Variants in PCDH15 observed in about 807,000 individuals in gnomAD.
The protein encoded by PCDH15 is protocadherin related 15, also known as protocadherin-15.
A neutral mutation model predicts 178.5 loss-of-function variants in PCDH15; 129 were observed. The ratio of observed to expected loss-of-function variants is 0.72; its 90% confidence interval spans 0.63 to 0.84. The LOEUF (loss-of-function observed/expected upper bound fraction) is 0.84, where lower values mean the gene tolerates loss of function less well. PCDH15 is among the 40% of genes least tolerant of loss of function. The pLI is 0.00. For missense variants in PCDH15, 2,230 were observed against 2,099.9 expected (o/e 1.06, Z -1.21); for synonymous variants, 800 against 732.0 (o/e 1.09, Z -1.50).
chr10:54,851,106 T>A (rs898196253), intron 3 of PCDH15, among the ~76,000 whole-genome samples: 2 of 152,060 alleles, frequency 1.3e-5, no homozygotes, highest in Non-Finnish European at 2.9e-5. Context: ...GGAAGGCAAA[T>A]AAGGTATTTT....
chr10:54,837,104 G>A (rs1181781035), intron 3 of PCDH15, among the ~76,000 whole-genome samples: 1 of 151,870 alleles, frequency 6.6e-6, no homozygotes, highest in Admixed American at 6.6e-5. Flanking sequence ...GTATAAATAA[G>A]TTTTTATTAT....
intron 11 of PCDH15, among the ~76,000 whole-genome samples, chr10:54,191,751 CA>C (rs10564694): frequency 0.039 from 5,134 of 130,160 alleles, 98 homozygotes; most frequent in Non-Finnish European, 0.06. Context: ...ACAAAAAATG[CA>C]AAAAAAAAAA....
At chr10:54,876,580 T>G (rs546251841) in intron 3 of PCDH15, among the ~76,000 whole-genome samples, 2 of 152,242 alleles carry the variant, frequency 1.3e-5, no homozygotes, top group East Asian at 3.9e-4. Context: ...TAGGAAGAAC[T>G]TGATTCCAAC....
chr10:54,167,780 C>CACACCCCAACCTCTTATCTCT (rs2046388412), intron 13 of PCDH15, among the ~76,000 whole-genome samples: 1 of 151,884 alleles, frequency 6.6e-6, no homozygotes, highest in African/African-American at 2.4e-5. Context: ...CCCTTATTTC[C>CACACCCCAACCTCTTATCTCT]GCACCCCAAC....
At chr10:54,544,902 C>T (rs2133054912) in intron 2 of PCDH15, among the ~76,000 whole-genome samples, 1 of 152,150 alleles carries the variant, frequency 6.6e-6, no homozygotes, top group Admixed American at 6.5e-5. Context: ...AGACTTTATG[C>T]CATAAATTTT....
intron 2 of PCDH15, among the ~76,000 whole-genome samples, chr10:55,370,408 T>C (rs1297253056): frequency 6.6e-6 from 1 of 152,122 alleles, no homozygotes; most frequent in African/African-American, 2.4e-5. Flanking sequence ...TAACCACTAA[T>C]CATGCCTTTT....
intron 25 of PCDH15, among the ~76,000 whole-genome samples, chr10:53,933,318 TC>T (rs1159623638): frequency 6.6e-6 from 1 of 150,836 alleles, no homozygotes; most frequent in Admixed American, 6.6e-5. Context: ...ATGCTATCCC[TC>T]CCCCCTTCCC....
At chr10:55,576,174 C>T (rs1189909745) in intron 2 of PCDH15, among the ~76,000 whole-genome samples, 1 of 151,964 alleles carries the variant, frequency 6.6e-6, no homozygotes, top group Non-Finnish European at 1.5e-5. Flanking sequence ...GACTGGAAGT[C>T]GGTGATAACA....
intron 2 of PCDH15, among the ~76,000 whole-genome samples, chr10:54,908,931 C>A (rs1954772531): frequency 6.6e-6 from 1 of 151,858 alleles, no homozygotes; most frequent in Non-Finnish European, 1.5e-5. Context: ...GAGGGTAGCT[C>A]CTTGTTGCAG....
intron 21 of PCDH15, among the ~76,000 whole-genome samples, chr10:53,967,099 G>C (rs779984847): frequency 6.6e-6 from 1 of 152,100 alleles, no homozygotes; most frequent in Non-Finnish European, 1.5e-5. Flanking sequence ...CTGTTGGAGG[G>C]ACCTGGTGGG....
chr10:54,240,294 C>A (rs1591366091), intron 8 of PCDH15, among the ~76,000 whole-genome samples: 6 of 138,718 alleles, frequency 4.3e-5, no homozygotes, highest in Admixed American at 7.2e-5. Flanking sequence ...AGGGTAAATC[C>A]AAAGAAAACT....
chr10:55,595,211 G>A (rs1299522144), intron 2 of PCDH15, among the ~76,000 whole-genome samples: 2 of 151,934 alleles, frequency 1.3e-5, no homozygotes, highest in African/African-American at 4.8e-5. Context: ...CAACATTTAG[G>A]AAGTTTATTT....
At chr10:54,232,637 C>G (rs113443229) in intron 9 of PCDH15, among the ~76,000 whole-genome samples, 3,633 of 152,110 alleles carry the variant, frequency 0.024, 131 homozygotes, top group African/African-American at 0.082. Flanking sequence ...GGAATTTGTC[C>G]ATTGCATCCA....
chr10:55,330,386 T>G (rs759689919), intron 2 of PCDH15, among the ~76,000 whole-genome samples: 1 of 151,856 alleles, frequency 6.6e-6, no homozygotes, highest in Non-Finnish European at 1.5e-5. Context: ...ACATTGTTGA[T>G]AAGAAACCAC....
At chr10:55,243,537 A>C (rs1841608507) in intron 1 of PCDH15, among the ~76,000 whole-genome samples, 1 of 152,136 alleles carries the variant, frequency 6.6e-6, no homozygotes, top group African/African-American at 2.4e-5. Context: ...GTTCACATTG[A>C]TGTTTCTCCT....
chr10:54,116,795 T>C (rs1428278964), intron 15 of PCDH15, among the ~76,000 whole-genome samples: 1 of 152,238 alleles, frequency 6.6e-6, no homozygotes, highest in Non-Finnish European at 1.5e-5. Flanking sequence ...TAAAGTGATT[T>C]GACAGTAATT....
At chr10:53,962,001 A>C (rs2456699) in intron 21 of PCDH15, 109 bp from the exon 22 acceptor site, 1 of 897,198 alleles carries the variant, frequency 1.1e-6, no homozygotes, top group Non-Finnish European at 1.7e-6. Context: ...AGTGAAAATC[A>C]TATTTCCATA....
chr10:55,230,715 A>T (rs1218585081), intron 1 of PCDH15, among the ~76,000 whole-genome samples: 1 of 152,078 alleles, frequency 6.6e-6, no homozygotes, highest in African/African-American at 2.4e-5. Context: ...AAATCTTTAC[A>T]GATAAGTAGA....
chr10:55,306,803 T>C (rs1040313187), intron 1 of PCDH15, among the ~76,000 whole-genome samples: 1 of 152,188 alleles, frequency 6.6e-6, no homozygotes, highest in Non-Finnish European at 1.5e-5. Context: ...CATGTTTGCA[T>C]TCATATTCCC....
Sources: gnomAD v4.1 joint callset for allele counts (sites outside exome capture counted in the v4.1 genomes callset) on GRCh38, gnomAD v4.1.1 for gene constraint, MANE v1.5 for transcripts, NCBI Gene and HGNC (gene_info 2026-07-23, HGNC 2026-07-21) for gene names.